Variants in CTNNA3 observed in about 807,000 individuals in gnomAD.
CTNNA3 encodes the protein catenin alpha-3.
In CTNNA3, 76 loss-of-function variants were observed where a neutral mutation model predicts 95.7. That is an observed-to-expected ratio of 0.79 (90% CI 0.66 to 0.96). The LOEUF (loss-of-function observed/expected upper bound fraction) is 0.96, where lower values mean the gene tolerates loss of function less well. Ranked by LOEUF, CTNNA3 falls within the 40% of genes least tolerant of loss-of-function variation. The probability of loss-of-function intolerance (pLI) is 0.00; values close to 1 mark genes in which losing one functional copy is unlikely to be tolerated. For synonymous variants in CTNNA3, 431 were observed against 374.4 expected (o/e 1.15, Z -1.74); for missense variants, 1,191 against 1,089.8 (o/e 1.09, Z -1.31).
intron 11 of CTNNA3, among the ~76,000 whole-genome samples, chr10:66,421,834 C>CAA (rs35845509): frequency 9.8e-5 from 8 of 81,474 alleles, no homozygotes; most frequent in South Asian, 3.8e-4. Flanking sequence ...GACTCTGTCT[C>CAA]AAAAAAAAAA....
At chr10:65,938,723 G>C (rs954254623) in intron 17 of CTNNA3, among the ~76,000 whole-genome samples, 1 of 152,080 alleles carries the variant, frequency 6.6e-6, no homozygotes, top group Non-Finnish European at 1.5e-5. Context: ...ATCTTTGGCA[G>C]GTGGCATAAC....
intron 5 of CTNNA3, among the ~76,000 whole-genome samples, chr10:67,310,399 A>AC (rs1840742928): frequency 1.3e-5 from 2 of 152,072 alleles, no homozygotes; most frequent in South Asian, 2.1e-4. Context: ...ACACACACAC[A>AC]AAAAAACTTC....
chr10:67,631,553 G>A (rs73270119), intron 2 of CTNNA3, among the ~76,000 whole-genome samples: 1,651 of 152,242 alleles, frequency 0.011, 24 homozygotes, highest in African/African-American at 0.038. Context: ...GGAAAGTGAA[G>A]AAATTTTTAA....
At chr10:66,879,760 G>A (rs1844773614) in intron 7 of CTNNA3, among the ~76,000 whole-genome samples, 1 of 152,074 alleles carries the variant, frequency 6.6e-6, no homozygotes, top group African/African-American at 2.4e-5. Context: ...AGAAGGCAGA[G>A]TGAAAATTAT....
chr10:67,690,746 C>T (rs535251752), intron 1 of CTNNA3, among the ~76,000 whole-genome samples: 49 of 152,340 alleles, frequency 3.2e-4, no homozygotes, highest in Middle Eastern at 3.4e-3. Context: ...AATGTTTATA[C>T]AGTGTAACTT....
chr10:66,317,480 T>A (rs1486532949), intron 12 of CTNNA3, among the ~76,000 whole-genome samples: 1 of 151,996 alleles, frequency 6.6e-6, no homozygotes, highest in Non-Finnish European at 1.5e-5. Context: ...AAGACCAGCC[T>A]GGCCAACATA....
chr10:66,249,467 T>G (rs2090463623), intron 13 of CTNNA3, among the ~76,000 whole-genome samples: 1 of 152,140 alleles, frequency 6.6e-6, no homozygotes, highest in Non-Finnish European at 1.5e-5. Context: ...GCAAAAGATC[T>G]GAATAAACAT....
intron 10 of CTNNA3, among the ~76,000 whole-genome samples, chr10:66,571,304 GT>G (rs1842860307): frequency 1.3e-5 from 2 of 152,170 alleles, no homozygotes; most frequent in Admixed American, 1.3e-4. Context: ...GCCTGAATTG[GT>G]TATCGCATTC....
chr10:66,754,441 G>A (rs1402919177), intron 9 of CTNNA3, among the ~76,000 whole-genome samples: 1 of 152,036 alleles, frequency 6.6e-6, no homozygotes, highest in Non-Finnish European at 1.5e-5. Flanking sequence ...AAATCTTTAT[G>A]AACTTGGATT....
chr10:66,542,051 A>C (rs1841872049), intron 10 of CTNNA3, among the ~76,000 whole-genome samples: 1 of 152,148 alleles, frequency 6.6e-6, no homozygotes, highest in Non-Finnish European at 1.5e-5. Flanking sequence ...AGAAAAAAAC[A>C]AACAACCCCA....
chr10:66,296,964 TA>T (rs1389585050), intron 12 of CTNNA3, among the ~76,000 whole-genome samples: 3 of 152,184 alleles, frequency 2.0e-5, no homozygotes, highest in Non-Finnish European at 2.9e-5. Context: ...CCAAAAATAG[TA>T]ACGACTGTTT....
At chr10:66,486,506 C>A (rs1911339) in intron 11 of CTNNA3, among the ~76,000 whole-genome samples, 10,532 of 152,024 alleles carry the variant, frequency 0.069, 991 homozygotes, top group East Asian at 0.45. Flanking sequence ...TACCTTACAC[C>A]TATTAGGATG....
At chr10:67,302,559 A>G (rs1840371571) in intron 5 of CTNNA3, among the ~76,000 whole-genome samples, 1 of 152,222 alleles carries the variant, frequency 6.6e-6, no homozygotes, top group African/African-American at 2.4e-5. Context: ...GTCAATTAAA[A>G]TAAAATAAAA....
In CTNNA3 at chr10:65,948,580, T is replaced by C. The variant is rs544765042; in HGVS notation, c.2400+18032A>G. 1.2e-4 allele frequency among the ~76,000 whole-genome samples: 18 copies of C among 152,222 alleles called. No homozygotes were observed. The East Asian group carries it at 3.5e-3, about 30-fold the overall frequency. On this transcript the variant is annotated intron_variant, in intron 17 of 17. Transcript: ENST00000433211. The stretch of plus-strand genomic sequence containing the variant: ...TGTGATTAGCTAGATCATCAGAAAG[T>C]AACATTTCCAGGTCATATTATTACC...
chr10:67,189,731 C>G (rs925276776), intron 6 of CTNNA3, among the ~76,000 whole-genome samples: 11 of 151,932 alleles, frequency 7.2e-5, no homozygotes, highest in African/African-American at 2.7e-4. Flanking sequence ...AAGACTGAAA[C>G]TTGAAAACAA....
intron 1 of CTNNA3, among the ~76,000 whole-genome samples, chr10:67,737,888 A>G (rs944401622): frequency 6.6e-6 from 1 of 152,232 alleles, no homozygotes; most frequent in African/African-American, 2.4e-5. Context: ...CATTTGACCC[A>G]GCCATCCCAT....
intron 7 of CTNNA3, among the ~76,000 whole-genome samples, chr10:66,912,396 G>C (rs1294649175): frequency 6.6e-6 from 1 of 152,098 alleles, no homozygotes; most frequent in East Asian, 1.9e-4. Flanking sequence ...GATACCAATA[G>C]GGTATAGTTT....
At chr10:66,027,838 A>T (rs570824224) in intron 15 of CTNNA3, among the ~76,000 whole-genome samples, 1 of 152,228 alleles carries the variant, frequency 6.6e-6, no homozygotes, top group Admixed American at 6.5e-5. Flanking sequence ...GCCAAAATTT[A>T]TCTCTCAAGC....
At chr10:67,603,540 T>C (rs1489063232) in intron 3 of CTNNA3, among the ~76,000 whole-genome samples, 2 of 152,026 alleles carry the variant, frequency 1.3e-5, no homozygotes, top group Non-Finnish European at 2.9e-5. Context: ...GCCCTGATTC[T>C]GTGTAGGCCT....
Sources: allele counts gnomAD v4.1 joint callset (sites outside exome capture counted in the v4.1 genomes callset), GRCh38; gene constraint gnomAD v4.1.1; transcripts MANE v1.5; gene names NCBI Gene and HGNC (gene_info 2026-07-23, HGNC 2026-07-21).